Variants in PPP4R3A observed in about 807,000 individuals in gnomAD.
The protein encoded by PPP4R3A is serine/threonine-protein phosphatase 4 regulatory subunit 3A.
PPP4R3A carries 15 observed loss-of-function variants against 91.7 expected under a neutral mutation model. That is an observed-to-expected ratio of 0.16 (90% confidence interval 0.11 to 0.25). The LOEUF (loss-of-function observed/expected upper bound fraction) is 0.25, where lower values mean the gene tolerates loss of function less well. PPP4R3A is among the 10% of genes least tolerant of loss of function. PPP4R3A has a pLI of 1.00. For synonymous variants in PPP4R3A, 377 were observed against 348.7 expected (o/e 1.08, Z -0.91); for missense variants, 623 against 998.4 (o/e 0.62, Z 5.07).
At chr14:91,496,232 G>C (rs557258903) in intron 1 of PPP4R3A, among the ~76,000 whole-genome samples, 1 of 152,206 alleles carries the variant, frequency 6.6e-6, no homozygotes, top group African/African-American at 2.4e-5. Flanking sequence ...ATGGTGTGCT[G>C]GTTATTTTTT....
At chr14:91,501,089 T>C (rs908802961) in intron 1 of PPP4R3A, among the ~76,000 whole-genome samples, 1 of 152,166 alleles carries the variant, frequency 6.6e-6, no homozygotes, top group African/African-American at 2.4e-5. Context: ...CTTTTATTCA[T>C]CTGGAAAATT....
chr14:91,489,615 T>C (rs950404896), intron 2 of PPP4R3A, among the ~76,000 whole-genome samples: 22 of 152,212 alleles, frequency 1.4e-4, no homozygotes, highest in African/African-American at 4.6e-4. Flanking sequence ...CTCAAAACAG[T>C]TTCAATCTTT....
chr14:91,466,521 CT>C (rs1888476637), intron 10 of PPP4R3A: 1 of 707,472 alleles, frequency 1.4e-6, no homozygotes, highest in Non-Finnish European at 1.7e-6. Flanking sequence ...TATTAACTGC[CT>C]TAACAATGCA....
chr14:91,488,907 C>CT (rs10691130), intron 2 of PPP4R3A, among the ~76,000 whole-genome samples: 65,804 of 122,644 alleles, frequency 0.54, 18,972 homozygotes, highest in Admixed American at 0.59. Context: ...ATAGATACCA[C>CT]TTTTTTTTTT....
In PPP4R3A at chr14:91,458,574, AAT is replaced by A. The variant is rs1453945525; in HGVS notation, c.*183_*184del. On this transcript the variant is annotated 3_prime_UTR_variant, in exon 15 of 15. Coordinates refer to ENST00000554943, the MANE Select transcript of PPP4R3A (RefSeq NM_001366432.2). ...CTCAAAGGCTTAAGTCTTTCCCCTA[AAT>A]ATATGATATCCCCTCCTCCTGCTCC... 8 of 833,652 alleles carry A rather than the reference AAT, an allele frequency of 9.6e-6. No homozygotes were observed. The highest frequency in any genetic ancestry group is 5.1e-5 in the East Asian group (2 of 39,154). The allele number at this position is 833,652 out of a possible 1,614,324, so 51.6% of individuals were successfully genotyped here. A position where few individuals can be genotyped will look rare whatever the true frequency, so the allele number is the denominator to read the frequency against.
chr14:91,476,534 G>GA lies in PPP4R3A; in HGVS notation c.994-11dup. 6.6e-7 allele frequency: 1 copy of GA among 1,513,256 alleles called. No individual in the cohort carries two copies. Among genetic ancestry groups the GA allele is most frequent in the South Asian group, 1.2e-5 (1 of 83,460 alleles). The allele number at this position is 1,513,256 out of a possible 1,614,324, so 93.7% of individuals were successfully genotyped here. On this transcript the variant is annotated splice_polypyrimidine_tract_variant and intron_variant, in intron 5 of 14. Transcript: ENST00000554943. ...CTTTTAAAAAGTTAACCTGAAATTA[G>GA]AAAAAAGGATAAGTGATATAAAAAG... is the stretch of plus-strand genomic sequence containing the variant.
intron 3 of PPP4R3A, among the ~76,000 whole-genome samples, 162 bp from the exon 4 acceptor site, chr14:91,482,355 T>C (rs1729626282): frequency 6.6e-6 from 1 of 152,232 alleles, no homozygotes; most frequent in East Asian, 1.9e-4. Flanking sequence ...CAAATATGTA[T>C]ACTTTCAATT....
In PPP4R3A at chr14:91,493,731, G is replaced by A. The variant is rs564973761; in HGVS notation, c.143-2929C>T. On this transcript the variant is annotated intron_variant, in intron 1 of 14. Transcript: ENST00000554943. ...AAAATTGCATTCTATTATTCTCCAC[G>A]GAAATCATAAAGTATATAAAGTACA... is the stretch of plus-strand genomic sequence containing the variant. 1.7e-4 allele frequency among the ~76,000 whole-genome samples: 26 copies of A among 149,408 alleles called. 1 individual carries two copies. Among genetic ancestry groups the A allele is most frequent in the Non-Finnish European group, 2.9e-4 (20 of 67,862 alleles).
chr14:91,482,909 T>C (rs535889811), intron 3 of PPP4R3A, among the ~76,000 whole-genome samples: 1 of 152,216 alleles, frequency 6.6e-6, no homozygotes. Flanking sequence ...ACAACCTATA[T>C]GTAGTAGAGT....
Position 91,481,842 on chromosome 14 carries a change from T to C in PPP4R3A, c.649A>G (p.Ile217Val). ...TCTAAACATCCAATGACGTCCATTATACATTCTTCAGAGAACATAACTTCA... is the reference window on the plus strand; with the variant it reads ...TCTAAACATCCAATGACGTCCATTACACATTCTTCAGAGAACATAACTTCA... ...LFEVMFSEEC[I>V]MDVIGCLEYD... Residue 217 changes from isoleucine to valine, a missense_variant, in exon 4 of 15, where the codon ATA becomes GTA. By Grantham distance (29) the Ile-to-Val change is conservative (BLOSUM62 3). This residue lies in a region of PPP4R3A where 264 missense variants were observed against 377.3 expected (regional missense o/e 0.70). Transcript: ENST00000554943. 2 of 1,614,178 alleles carry C rather than the reference T, an allele frequency of 1.2e-6. No individual in the cohort carries two copies. The highest frequency in any genetic ancestry group is 1.1e-5 in the South Asian group (1 of 91,084).
intron 9 of PPP4R3A, 111 bp downstream of exon 9, chr14:91,472,922 C>T (rs1471504844): frequency 3.4e-6 from 3 of 887,564 alleles, no homozygotes; most frequent in Non-Finnish European, 5.4e-6. Context: ...AAGGTGTGTC[C>T]TCCCAGCCTC....
intron 1 of PPP4R3A, among the ~76,000 whole-genome samples, chr14:91,495,328 G>GT (rs1555437580): frequency 9.3e-5 from 14 of 150,906 alleles, no homozygotes; most frequent in African/African-American, 2.7e-4. Flanking sequence ...GTGTGTGTAT[G>GT]TTTTTTTTTA....
chr14:91,473,740 T>A (rs531568385), intron 7 of PPP4R3A, among the ~76,000 whole-genome samples: 518 of 152,314 alleles, frequency 3.4e-3, no homozygotes, highest in Non-Finnish European at 5.9e-3. Context: ...TAGGTAGGAT[T>A]TAGAACATCA....
intron 1 of PPP4R3A, among the ~76,000 whole-genome samples, chr14:91,500,308 C>A (rs1317069801): frequency 1.3e-5 from 2 of 152,152 alleles, no homozygotes; most frequent in African/African-American, 4.8e-5. Flanking sequence ...TCAAGTGATT[C>A]TCCTGACTCA....
chr14:91,479,104 T>C (rs2140107483), intron 4 of PPP4R3A, among the ~76,000 whole-genome samples: 1 of 152,244 alleles, frequency 6.6e-6, no homozygotes, highest in Non-Finnish European at 1.5e-5. Flanking sequence ...TGCCTCATTC[T>C]CCTGAGCAGC....
intron 14 of PPP4R3A, 69 bp from the exon 15 acceptor site, chr14:91,458,938 T>C: frequency 6.7e-7 from 1 of 1,490,556 alleles, no homozygotes; most frequent in Non-Finnish European, 8.9e-7. Flanking sequence ...GTTTTCTGGC[T>C]GGAGAAAGAA....
intron 1 of PPP4R3A, among the ~76,000 whole-genome samples, chr14:91,505,494 C>A (rs1158979854): frequency 6.6e-6 from 1 of 151,232 alleles, no homozygotes; most frequent in Non-Finnish European, 1.5e-5. Flanking sequence ...ATGCAAAAGC[C>A]CCTATCACAC....
At chr14:91,485,312 G>A (rs1889817271) in intron 3 of PPP4R3A, among the ~76,000 whole-genome samples, 1 of 152,210 alleles carries the variant, frequency 6.6e-6, no homozygotes, top group African/African-American at 2.4e-5. Flanking sequence ...GCAACTGCAT[G>A]GCACTTAGAA....
In PPP4R3A at chr14:91,469,116, T is replaced by TAAAAA. The variant is rs34445337; in HGVS notation, c.1660+1716_1660+1720dup. 1.6e-4 allele frequency among the ~76,000 whole-genome samples: 21 copies of TAAAAA among 133,120 alleles called. 1 individual carries two copies. Among genetic ancestry groups the TAAAAA allele is most frequent in the South Asian group, 4.9e-4 (2 of 4,070 alleles). The allele number at this position is 133,120 out of a possible 152,430, so 87.3% of individuals were successfully genotyped here. A position where few individuals can be genotyped will look rare whatever the true frequency, so the allele number is the denominator to read the frequency against. The stretch of plus-strand genomic sequence containing the variant: ...TGCTAGAGGTTGCAAATTTTTTCTG[T>TAAAAA]AAAAAAAAAAAAAAAAAAAATCAGA... On this transcript the variant is annotated intron_variant, in intron 10 of 14. Transcript: ENST00000554943.
Sources: allele counts gnomAD v4.1 joint callset (sites outside exome capture counted in the v4.1 genomes callset), GRCh38; gene constraint gnomAD v4.1.1; regional missense constraint gnomAD v4.1.1; transcripts MANE v1.5; gene names NCBI Gene and HGNC (gene_info 2026-07-23, HGNC 2026-07-21).